SIM2: variants seen among roughly 807,000 people sequenced by gnomAD.
The protein encoded by SIM2 is SIM bHLH transcription factor 2.
A neutral mutation model predicts 64.8 loss-of-function variants in SIM2; 28 were observed. That is an observed-to-expected ratio of 0.43 (90% CI 0.32 to 0.59). The LOEUF (loss-of-function observed/expected upper bound fraction) is 0.59. SIM2 is among the 20% of genes least tolerant of loss of function. The pLI, the probability that SIM2 is intolerant of heterozygous loss-of-function variation, is 0.07. For synonymous variants in SIM2, 408 were observed against 391.1 expected, an observed-to-expected ratio of 1.04 and a Z score of -0.51; for missense variants, 847 against 871.4, an observed-to-expected ratio of 0.97 and a Z score of 0.35.
intron 8 of SIM2, 113 bp downstream of exon 8, chr21:36,741,977 C>T: frequency 9.0e-7 from 1 of 1,105,186 alleles, no homozygotes; most frequent in Non-Finnish European, 1.2e-6. Flanking sequence ...GTTCATTTGT[C>T]TTCTGTTTTT....
At chr21:36,708,053 C>T (rs1031168600) in intron 1 of SIM2, among the ~76,000 whole-genome samples, 6 of 151,972 alleles carry the variant, frequency 3.9e-5, no homozygotes, top group Non-Finnish European at 7.4e-5. Context: ...GGGAGCTAGG[C>T]TCGTGGGCCG....
intron 7 of SIM2, among the ~76,000 whole-genome samples, chr21:36,737,973 A>AAAAAAAAAAAAAAAGC (rs1555877008): frequency 3.3e-5 from 4 of 120,240 alleles, no homozygotes; most frequent in Non-Finnish European, 5.9e-5. Flanking sequence ...AAAAAAAAAA[A>AAAAAAAAAAAAAAAGC]AAAAAAAAAG....
intron 5 of SIM2, among the ~76,000 whole-genome samples, chr21:36,725,213 G>A (rs376454087): frequency 6.6e-6 from 1 of 152,010 alleles, no homozygotes; most frequent in Admixed American, 6.6e-5. Flanking sequence ...AGCCAGGCAC[G>A]GTGGCACATG....
chr21:36,719,936 C>T lies in SIM2; in HGVS notation c.457+7C>T, dbSNP rs753743951. Reference sequence around the variant, plus strand: ...CACCACCACCTGCTCCAAGGTATTCCATCCAGAGGGAAAAAAAAAAACAGA... The same window carrying T: ...CACCACCACCTGCTCCAAGGTATTCTATCCAGAGGGAAAAAAAAAAACAGA... On this transcript the variant is annotated splice_region_variant and intron_variant, in intron 4 of 10. Coordinates refer to ENST00000290399, the MANE Select transcript of SIM2 (RefSeq NM_005069.6). The T allele has an allele frequency of 3.9e-6, 6 of 1,549,558 alleles. No homozygotes were observed. The highest frequency in any genetic ancestry group is 4.4e-6 in the Non-Finnish European group (5 of 1,127,006).
Position 36,707,597 on chromosome 21 carries a change from C to CT in SIM2, c.176-1559dup, listed in dbSNP as rs763808430. 2.7e-3 allele frequency among the ~76,000 whole-genome samples: 391 copies of CT among 146,142 alleles called. 1 individual carries two copies. The highest frequency in any genetic ancestry group is 0.011 in the Middle Eastern group (3 of 280). On this transcript the variant is annotated intron_variant, in intron 1 of 10. Coordinates refer to ENST00000290399, the MANE Select transcript of SIM2 (RefSeq NM_005069.6). ...ATTGAGGAATAGTGGTTTTTTTTAA[C>CT]TTTTTTTTTTTTAGGTTTTTAGTTG...
In SIM2 at chr21:36,731,036, C is replaced by A; in HGVS notation, c.744-9C>A. Reference sequence around the variant, plus strand: ...TGGCGTAACTCACTGAGCTGCCATGCCCCCACAGGGTGACCGAGGTGACGG... The same window carrying A: ...TGGCGTAACTCACTGAGCTGCCATGACCCCACAGGGTGACCGAGGTGACGG... On this transcript the variant is annotated splice_polypyrimidine_tract_variant and intron_variant, in intron 6 of 10. Coordinates refer to ENST00000290399, the MANE Select transcript of SIM2 (RefSeq NM_005069.6). The A allele has an allele frequency of 1.2e-6, 2 of 1,606,920 alleles. No homozygotes were observed. The highest frequency in any genetic ancestry group is 1.7e-6 in the Non-Finnish European group (2 of 1,173,806).
chr21:36,723,198 T>C, intron 5 of SIM2, 68 bp downstream of exon 5: 2 of 1,335,380 alleles, frequency 1.5e-6, no homozygotes, highest in Non-Finnish European at 2.2e-6. Flanking sequence ...CAAGAGCGTC[T>C]GCAGAAAGGA....
At chr21:36,705,505 G>A (rs1379528857) in intron 1 of SIM2, among the ~76,000 whole-genome samples, 1 of 152,234 alleles carries the variant, frequency 6.6e-6, no homozygotes, top group African/African-American at 2.4e-5. Context: ...GAGGCACAAA[G>A]TGATGGCAGC....
chr21:36,708,888 G>A (rs911401857), intron 1 of SIM2, among the ~76,000 whole-genome samples: 1 of 152,248 alleles, frequency 6.6e-6, no homozygotes, highest in Non-Finnish European at 1.5e-5. Flanking sequence ...CCATGAGCAC[G>A]TGGGCGACCC....
At chr21:36,738,637 G>T (rs924426215) in intron 7 of SIM2, among the ~76,000 whole-genome samples, 5 of 152,236 alleles carry the variant, frequency 3.3e-5, no homozygotes, top group African/African-American at 1.2e-4. Context: ...GACTCCAGCT[G>T]TGCCCTCAAG....
intron 7 of SIM2, among the ~76,000 whole-genome samples, chr21:36,731,634 G>C (rs986433982): frequency 6.6e-6 from 1 of 152,154 alleles, no homozygotes; most frequent in Non-Finnish European, 1.5e-5. Context: ...TCATACAGCT[G>C]GATGGTAGCG....
Position 36,712,591 on chromosome 21 carries a change from A to C in SIM2, c.317A>C (p.Glu106Ala). The C allele has an allele frequency of 6.2e-7, 1 of 1,613,656 alleles. No individual in the cohort carries two copies. The highest frequency in any genetic ancestry group is 8.5e-7 in the Non-Finnish European group (1 of 1,179,690). ...ASDGKIMYIS[E>A]TASVHLGLSQ... Reference sequence around the variant, plus strand: ...GATGGCAAAATCATGTATATATCCGAGACCGCTTCTGTCCATTTAGGCTTA... The same window carrying C: ...GATGGCAAAATCATGTATATATCCGCGACCGCTTCTGTCCATTTAGGCTTA... Residue 106 changes from glutamate to alanine, a missense_variant, in exon 3 of 11, where the codon GAG becomes GCG. Coordinates refer to ENST00000290399, the MANE Select transcript of SIM2 (RefSeq NM_005069.6).
chr21:36,724,870 C>T (rs114616114), intron 5 of SIM2, among the ~76,000 whole-genome samples: 56 of 152,244 alleles, frequency 3.7e-4, no homozygotes, highest in African/African-American at 1.2e-3. Context: ...CCAGTAGTGA[C>T]GCTCGAGGCT....
Position 36,747,562 on chromosome 21 carries a change from G to C in SIM2, c.1577-103G>C. 1.3e-6 allele frequency: 1 copy of C among 798,472 alleles called. No individual in the cohort carries two copies. Among genetic ancestry groups the C allele is most frequent in the Non-Finnish European group, 1.6e-6 (1 of 623,480 alleles). 49.5% of individuals were successfully genotyped at this position (798,472 alleles called of 1,614,324 possible). A position where few individuals can be genotyped will look rare whatever the true frequency, so the allele number is the denominator to read the frequency against. ...GGGCGACAGCGACCCCGCGGGTGCAGCGCGTGGGCGGCCGAGGGGTGGTGG... is the reference window on the plus strand; with the variant it reads ...GGGCGACAGCGACCCCGCGGGTGCACCGCGTGGGCGGCCGAGGGGTGGTGG... On this transcript the variant is annotated intron_variant, in intron 10 of 10. Coordinates refer to ENST00000290399, the MANE Select transcript of SIM2 (RefSeq NM_005069.6). The surrounding 1 kb of genome is among the most constrained non-coding windows in gnomAD (Gnocchi z 4.5).
rs552099409 is a variant in SIM2 at position 36,716,857 on chromosome 21, A to G, written c.349-2964A>G. ...CCCAGGGAGTTTTATAGCGACAACC[A>G]TAATTTTTTTTTTTTTTGTGAGGTA... On this transcript the variant is annotated intron_variant, in intron 3 of 10. Coordinates refer to ENST00000290399, the MANE Select transcript of SIM2 (RefSeq NM_005069.6). Among the ~76,000 whole-genome samples the G allele has an allele frequency of 1.5e-3, 202 of 130,914 alleles. 1 individual carries two copies. The highest frequency in any genetic ancestry group is 5.0e-3 in the African/African-American group (186 of 37,170). The allele number at this position is 130,914 out of a possible 152,430, so 85.9% of individuals were successfully genotyped here.
In SIM2 at chr21:36,748,170, G is replaced by A. The variant is rs2089261001; in HGVS notation, c.*78G>A. ...GCCACCGAGCCCGGCAAATGCGCAC[G>A]ACCTACATTAATTTATGCAGAGACA... On this transcript the variant is annotated 3_prime_UTR_variant, in exon 11 of 11. Transcript: ENST00000290399. 1.6e-6 allele frequency: 1 copy of A among 631,314 alleles called. No homozygotes were observed. The highest frequency in any genetic ancestry group is 2.1e-6 in the Non-Finnish European group (1 of 483,252). The allele number at this position is 631,314 out of a possible 1,614,324, so 39.1% of individuals were successfully genotyped here.
chr21:36,704,208 C>T (rs550520999), intron 1 of SIM2, among the ~76,000 whole-genome samples: 3 of 152,320 alleles, frequency 2.0e-5, no homozygotes, highest in African/African-American at 7.2e-5. Flanking sequence ...GAGCACACCA[C>T]GAGAAGCCAG....
chr21:36,731,138 C>T lies in SIM2; in HGVS notation c.837C>T (p.Tyr279=), dbSNP rs147904157. ...VHGCDVFHLR[Y]AHHLLLVKGQ... Reference sequence around the variant, plus strand: ...GCTGCGACGTGTTCCACCTCCGCTACGCACACCACCTCCGTGAGTAGCACG... The same window carrying T: ...GCTGCGACGTGTTCCACCTCCGCTATGCACACCACCTCCGTGAGTAGCACG... Residue 279 remains tyrosine (Y), a synonymous_variant, in exon 7 of 11, where the codon TAC becomes TAT. Transcript: ENST00000290399. 1.7e-4 allele frequency: 279 copies of T among 1,613,596 alleles called. No homozygotes were observed. In the African/African-American group the frequency reaches 2.9e-3, roughly 16 times the overall value.
At chr21:36,719,681 C>T (rs1023296006) in intron 3 of SIM2, 140 bp from the exon 4 acceptor site, 44 of 626,890 alleles carry the variant, frequency 7.0e-5, no homozygotes, top group Non-Finnish European at 9.3e-5. Flanking sequence ...ACTGTTTCTG[C>T]GTTTGGCAAA....
Sources: allele counts gnomAD v4.1 joint callset (sites outside exome capture counted in the v4.1 genomes callset), GRCh38; gene constraint gnomAD v4.1.1; non-coding constraint Gnocchi (gnomAD v3.1); transcripts MANE v1.5; gene names NCBI Gene and HGNC (gene_info 2026-07-23, HGNC 2026-07-21).